Variants in CRB1 observed in about 807,000 individuals in gnomAD.
CRB1 encodes the protein protein crumbs homolog 1.
A neutral mutation model predicts 120.0 loss-of-function variants in CRB1; 83 were observed. The observed-to-expected ratio is 0.69, with a 90% CI of 0.58 to 0.83. The LOEUF is 0.83. Among genes scored for constraint, CRB1 ranks in the 40% least tolerant of loss-of-function variants. The pLI is 0.00. For missense variants in CRB1, 1,699 were observed against 1,687.6 expected (o/e 1.01, Z -0.12); for synonymous variants, 625 against 612.5 (o/e 1.02, Z -0.30).
intron 5 of CRB1, among the ~76,000 whole-genome samples, chr1:197,399,116 A>G (rs1230490809): frequency 6.6e-6 from 1 of 152,064 alleles, no homozygotes. Context: ...TTCAGATGCC[A>G]TCTACTTGAG....
the CRB1 span, among the ~76,000 whole-genome samples, chr1:197,202,357 A>C: frequency 1.4e-4 from 22 of 152,360 alleles, no homozygotes; most frequent in African/African-American, 4.8e-4. Flanking sequence ...ATGGATTTGC[A>C]CAAAGATTCA....
rs118091839 is a variant in CRB1, at chr1:197,341,994, T to C, written c.653-2287T>C. ...ATACAAAAACTTTGAGTGGTAGAGG[T>C]ATATGGTAGGTTTGAGGAAAAGCAA... On this transcript the variant is annotated intron_variant, in intron 2 of 11. Transcript: ENST00000367400. Among the ~76,000 whole-genome samples, 248 of 152,222 alleles carry C rather than the reference T, an allele frequency of 1.6e-3. 4 individuals are homozygous for C. The East Asian group carries it at 0.034, about 21-fold the overall frequency.
At chr1:197,227,154 C>A in the CRB1 span, among the ~76,000 whole-genome samples, 3 of 152,144 alleles carry the variant, frequency 2.0e-5, no homozygotes, top group Non-Finnish European at 4.4e-5. Flanking sequence ...AGTCTTATCT[C>A]ATTTCAGCAT....
chr1:197,258,290 T>A, the CRB1 span, among the ~76,000 whole-genome samples: 12 of 152,296 alleles, frequency 7.9e-5, no homozygotes, highest in African/African-American at 2.9e-4. Flanking sequence ...TCCTTCCTTT[T>A]TTTTGCGTGT....
the CRB1 span, among the ~76,000 whole-genome samples, chr1:197,248,793 G>T: frequency 6.6e-6 from 1 of 151,752 alleles, no homozygotes; most frequent in African/African-American, 2.4e-5. Flanking sequence ...TCTTTGCAAA[G>T]ATTAAACTCT....
rs189441280 is a variant in CRB1, at chr1:197,276,550, G to A, written c.70+8068G>A. ...AGAGAGACAAAAACCAAATAAATAA[G>A]TAAATTATGTAATTGTGAGCTGGCA... On this transcript the variant is annotated intron_variant, in intron 1 of 11. Transcript: ENST00000367400. Among the ~76,000 whole-genome samples the A allele has an allele frequency of 2.8e-3, 432 of 151,818 alleles. 1 individual carries two copies. Among genetic ancestry groups the A allele is most frequent in the Non-Finnish European group, 5.1e-3 (346 of 67,862 alleles).
chr1:197,352,636 G>T (rs1380230770), intron 4 of CRB1, among the ~76,000 whole-genome samples: 1 of 151,110 alleles, frequency 6.6e-6, no homozygotes, highest in Non-Finnish European at 1.5e-5. Flanking sequence ...GTTGCGGGGG[G>T]TCACTACAAA....
At chr1:197,307,712 T>G (rs945588134) in intron 1 of CRB1, among the ~76,000 whole-genome samples, 1 of 152,220 alleles carries the variant, frequency 6.6e-6, no homozygotes, top group Non-Finnish European at 1.5e-5. Flanking sequence ...TTGTGAATGA[T>G]GAGTTACTCA....
At chr1:197,221,248 G>C in the CRB1 span, among the ~76,000 whole-genome samples, 1 of 152,196 alleles carries the variant, frequency 6.6e-6, no homozygotes. Context: ...TCAGTTTTAG[G>C]TGATAACTGC....
chr1:197,473,550 T>C (rs1044651252), intron 11 of CRB1, among the ~76,000 whole-genome samples: 7 of 151,514 alleles, frequency 4.6e-5, no homozygotes, highest in African/African-American at 1.7e-4. Flanking sequence ...TAATCATACA[T>C]ACAATATACA....
intron 1 of CRB1, among the ~76,000 whole-genome samples, chr1:197,303,218 G>A (rs1656974817): frequency 6.7e-6 from 1 of 150,172 alleles, no homozygotes; most frequent in Non-Finnish European, 1.5e-5. Flanking sequence ...TGCCATGCTG[G>A]TGTGCTGCAC....
At chr1:197,316,393 C>G (rs1028814198) in intron 1 of CRB1, among the ~76,000 whole-genome samples, 2 of 76,980 alleles carry the variant, frequency 2.6e-5, no homozygotes, top group Non-Finnish European at 5.5e-5. Context: ...ACCGTGTTAG[C>G]CAAGATGGTC....
chr1:197,321,803 T>G (rs1658213194), intron 1 of CRB1, among the ~76,000 whole-genome samples: 1 of 152,200 alleles, frequency 6.6e-6, no homozygotes, highest in Non-Finnish European at 1.5e-5. Context: ...AAGGGGTATG[T>G]AAAAATATGA....
intron 11 of CRB1, among the ~76,000 whole-genome samples, chr1:197,476,388 G>A (rs965345993): frequency 2.0e-4 from 28 of 142,986 alleles, no homozygotes; most frequent in Admixed American, 1.3e-3. Context: ...GTGTGTGTGT[G>A]TGTGTGTGTG....
the CRB1 span, among the ~76,000 whole-genome samples, chr1:197,235,293 A>G: frequency 5.3e-5 from 8 of 152,148 alleles, no homozygotes; most frequent in Admixed American, 5.2e-4. Flanking sequence ...TAATTAAGCT[A>G]CAACTGTCAC....
At chr1:197,351,187 CAAAAAAA>C (rs780090689) in intron 4 of CRB1, among the ~76,000 whole-genome samples, 22 of 85,374 alleles carry the variant, frequency 2.6e-4, no homozygotes, top group African/African-American at 7.5e-4. Context: ...ACTAAAAATA[CAAAAAAA>C]AAAAAAAAAA....
rs182899139 is a variant in CRB1 at position 197,312,748 on chromosome 1, T to C, written c.71-15674T>C. On this transcript the variant is annotated intron_variant, in intron 1 of 11. Transcript: ENST00000367400. ...AGCAACATTTAATATTATTCTTGTATTTTTCATTATCTGTAATATATCAAC... is the reference window on the plus strand; with the variant it reads ...AGCAACATTTAATATTATTCTTGTACTTTTCATTATCTGTAATATATCAAC... Among the ~76,000 whole-genome samples, 7 of 152,380 alleles carry C rather than the reference T, an allele frequency of 4.6e-5. No individual in the cohort carries two copies. In the East Asian group the frequency reaches 9.6e-4, roughly 21 times the overall value.
At chr1:197,429,729 G>A (rs1664785719) in intron 8 of CRB1, 115 bp downstream of exon 8, 11 of 1,130,096 alleles carry the variant, frequency 9.7e-6, no homozygotes, top group Non-Finnish European at 1.4e-5. Context: ...TTAATCTATG[G>A]TTGTTTCCCC....
At chr1:197,319,657 TTCTC>T (rs1020242058) in intron 1 of CRB1, among the ~76,000 whole-genome samples, 2 of 152,128 alleles carry the variant, frequency 1.3e-5, no homozygotes, top group African/African-American at 2.4e-5. Context: ...GTGTCATCAT[TTCTC>T]TCTTTCTTTT....
Sources: gnomAD v4.1 joint callset for allele counts (sites outside exome capture counted in the v4.1 genomes callset) on GRCh38, gnomAD v4.1.1 for gene constraint, MANE v1.5 for transcripts, NCBI Gene and HGNC (gene_info 2026-07-23, HGNC 2026-07-21) for gene names.